The following ZFP64 variants were observed in gnomAD, a reference collection of about 807,000 sequenced individuals.
ZFP64 encodes ZFP64 zinc finger protein, also known as zinc finger protein 64.
Under a neutral mutation model 51.6 loss-of-function variants are expected in ZFP64, and 14 were observed. That is an observed-to-expected ratio of 0.27 (90% CI 0.18 to 0.42). The LOEUF is 0.42. Ranked by LOEUF, ZFP64 falls within the 10% of genes least tolerant of loss-of-function variation. ZFP64 has a pLI of 1.00. For missense variants in ZFP64, 754 were observed against 906.8 expected, an observed-to-expected ratio of 0.83 and a Z score of 2.16; for synonymous variants, 375 against 361.4, an observed-to-expected ratio of 1.04 and a Z score of -0.43.
chr20:52,137,441 A>T (rs1200043743), intron 5 of ZFP64, among the ~76,000 whole-genome samples: 1 of 152,192 alleles, frequency 6.6e-6, no homozygotes, highest in Non-Finnish European at 1.5e-5. Context: ...AGAAAAAAAG[A>T]TCTTATGTCC....
At chr20:52,138,741 G>A (rs765638519) in intron 5 of ZFP64, among the ~76,000 whole-genome samples, 25 of 151,950 alleles carry the variant, frequency 1.6e-4, no homozygotes, top group Non-Finnish European at 3.1e-4. Context: ...TTCTTTCAGA[G>A]TTTACCAAAT....
chr20:52,112,075 C>CT (rs1309108080), intron 5 of ZFP64, among the ~76,000 whole-genome samples: 8 of 117,362 alleles, frequency 6.8e-5, no homozygotes, highest in East Asian at 5.0e-4. Context: ...GAGCGAGACT[C>CT]TATCTCCAAA....
At chr20:52,090,370 T>C (rs1164065700) in intron 7 of ZFP64, among the ~76,000 whole-genome samples, 2 of 152,142 alleles carry the variant, frequency 1.3e-5, no homozygotes. Flanking sequence ...AGTTGATATA[T>C]GACTTGGTAT....
chr20:52,136,109 A>AAG (rs1979963068), intron 5 of ZFP64, among the ~76,000 whole-genome samples: 1 of 150,140 alleles, frequency 6.7e-6, no homozygotes, highest in South Asian at 2.1e-4. Context: ...AAAAAAAAAA[A>AAG]AAAAAAAAAA....
At chr20:52,176,760 C>T (rs528882212) in intron 2 of ZFP64, among the ~76,000 whole-genome samples, 5 of 152,130 alleles carry the variant, frequency 3.3e-5, no homozygotes, top group East Asian at 1.9e-4. Flanking sequence ...CCACCCGCCT[C>T]GGCCTCCCAA....
chr20:52,148,976 T>A (rs1020791440), downstream of ZFP64, among the ~76,000 whole-genome samples: 8 of 152,188 alleles, frequency 5.3e-5, no homozygotes, highest in African/African-American at 1.9e-4. Context: ...GTCGGGTTAA[T>A]GTCCCCAACT....
chr20:52,170,219 AG>A (rs1451166860), intron 2 of ZFP64, among the ~76,000 whole-genome samples: 1 of 152,064 alleles, frequency 6.6e-6, no homozygotes, highest in Non-Finnish European at 1.5e-5. Context: ...TGGGAGCCTG[AG>A]GTGGGCGGAT....
intron 7 of ZFP64, among the ~76,000 whole-genome samples, chr20:52,093,714 C>T (rs766205382): frequency 6.6e-6 from 1 of 152,190 alleles, no homozygotes; most frequent in Non-Finnish European, 1.5e-5. Flanking sequence ...TAGCCACTAG[C>T]TCCTGACATT....
intron 7 of ZFP64, among the ~76,000 whole-genome samples, chr20:52,096,616 T>C (rs1265066359): frequency 6.6e-6 from 1 of 152,216 alleles, no homozygotes; most frequent in African/African-American, 2.4e-5. Context: ...AGGATGGGCA[T>C]GGTGGCTCAT....
intron 5 of ZFP64, among the ~76,000 whole-genome samples, chr20:52,135,531 G>A (rs900295926): frequency 3.3e-5 from 5 of 152,110 alleles, no homozygotes; most frequent in African/African-American, 1.2e-4. Context: ...TCAGTCTGGA[G>A]TGCAGTGGTG....
chr20:52,091,672 CAGATA>C (rs2078928451), intron 7 of ZFP64, among the ~76,000 whole-genome samples: 1 of 151,882 alleles, frequency 6.6e-6, no homozygotes, highest in Non-Finnish European at 1.5e-5. Context: ...ACTCCAGAAA[CAGATA>C]AGTTTCCTAT....
rs916413601 is a variant in ZFP64 at position 52,160,660 on chromosome 20, G to A, written c.512-286C>T. ...AAGGCAATTAAAATTTTAAAGTATA[G>A]GTACGTAAAATAGTAACAGTTTTGT... On this transcript the variant is annotated intron_variant, in intron 4 of 5. Coordinates refer to ENST00000216923, the MANE Select transcript of ZFP64 (RefSeq NM_018197.3). The surrounding 1 kb of genome is among the most constrained non-coding windows in gnomAD (Gnocchi z 4.2). Among the ~76,000 whole-genome samples, 2 of 151,980 alleles carry A rather than the reference G, an allele frequency of 1.3e-5. No homozygotes were observed. The highest frequency in any genetic ancestry group is 3.9e-4 in the East Asian group (2 of 5,184).
intron 7 of ZFP64, among the ~76,000 whole-genome samples, chr20:52,092,274 A>G (rs2078935602): frequency 6.6e-6 from 1 of 152,178 alleles, no homozygotes; most frequent in African/African-American, 2.4e-5. Flanking sequence ...GCATTGTAAG[A>G]TGTTTATCGG....
At chr20:52,169,764 G>A (rs1022386024) in intron 2 of ZFP64, among the ~76,000 whole-genome samples, 3 of 152,142 alleles carry the variant, frequency 2.0e-5, no homozygotes, top group Admixed American at 2.0e-4. Context: ...AAAATTTAAC[G>A]TAGTCCCAGC....
At chr20:52,120,827 C>T (rs550101212) in intron 5 of ZFP64, among the ~76,000 whole-genome samples, 4 of 152,036 alleles carry the variant, frequency 2.6e-5, no homozygotes, top group East Asian at 1.9e-4. Flanking sequence ...CAGGCATGTG[C>T]CACCATGCCC....
chr20:52,103,268 A>C (rs1005541629), intron 5 of ZFP64, among the ~76,000 whole-genome samples: 1 of 152,204 alleles, frequency 6.6e-6, no homozygotes, highest in South Asian at 2.1e-4. Context: ...CAGGAAGTCC[A>C]CTAATTACTT....
intron 5 of ZFP64, among the ~76,000 whole-genome samples, chr20:52,112,167 G>A (rs1041650038): frequency 4.0e-5 from 6 of 150,660 alleles, no homozygotes; most frequent in Non-Finnish European, 7.4e-5. Context: ...CTCAAGAAAA[G>A]TGTTCTGTGT....
At chr20:52,110,564 G>T in intron 5 of ZFP64, 1 of 717,602 alleles carries the variant, frequency 1.4e-6, no homozygotes. Flanking sequence ...ACACTTGAGA[G>T]GTGGTCCTGC....
At chr20:52,090,927 CAAAAAA>C (rs797006213) in intron 7 of ZFP64, among the ~76,000 whole-genome samples, 8 of 68,074 alleles carry the variant, frequency 1.2e-4, no homozygotes, top group Admixed American at 1.8e-4. Flanking sequence ...CTGACTCTAC[CAAAAAA>C]AAAAAAAAAA....
Sources: gnomAD v4.1 joint callset for allele counts (sites outside exome capture counted in the v4.1 genomes callset) on GRCh38, gnomAD v4.1.1 for gene constraint, Gnocchi (gnomAD v3.1) non-coding constraint, MANE v1.5 for transcripts, NCBI Gene and HGNC (gene_info 2026-07-23, HGNC 2026-07-21) for gene names.